The following DNAH7 variants were observed in gnomAD, a reference collection of about 807,000 sequenced individuals.
The protein encoded by DNAH7 is dynein axonemal heavy chain 7.
A neutral mutation model predicts 444.6 loss-of-function variants in DNAH7; 397 were observed. That is an observed-to-expected ratio of 0.89 (90% CI 0.82 to 0.97). The LOEUF (loss-of-function observed/expected upper bound fraction) is 0.97, where lower values mean the gene tolerates loss of function less well. Ranked by LOEUF, DNAH7 falls within the 50% of genes least tolerant of loss-of-function variation. The pLI is 0.00. For missense variants in DNAH7, 4,902 were observed against 4,800.8 expected, an observed-to-expected ratio of 1.02 and a Z score of -0.62; for synonymous variants, 1,636 against 1,624.4, an observed-to-expected ratio of 1.01 and a Z score of -0.17.
chr2:195,802,842 C>T (rs73062165), intron 54 of DNAH7, among the ~76,000 whole-genome samples: 9,570 of 152,186 alleles, frequency 0.063, 420 homozygotes, highest in African/African-American at 0.13. Flanking sequence ...AATCTCTGGT[C>T]ATCCACCCTG....
At chr2:195,846,229 C>G (rs530729792) in intron 46 of DNAH7, among the ~76,000 whole-genome samples, 20 of 152,296 alleles carry the variant, frequency 1.3e-4, no homozygotes, top group African/African-American at 3.6e-4. Flanking sequence ...CAACAGAAGA[C>G]ATACACGCAG....
intron 46 of DNAH7, among the ~76,000 whole-genome samples, chr2:195,848,831 G>A (rs564398543): frequency 3.9e-5 from 6 of 152,310 alleles, no homozygotes; most frequent in East Asian, 3.9e-4. Context: ...ATTGTAACCC[G>A]GGAGTGTTCC....
chr2:196,019,356 C>A (rs1193171516), intron 8 of DNAH7, 61 bp from the exon 9 acceptor site: 1 of 1,289,262 alleles, frequency 7.8e-7, no homozygotes. Flanking sequence ...AGTAACTGTA[C>A]ATTTTGGGTA....
intron 54 of DNAH7, among the ~76,000 whole-genome samples, chr2:195,804,783 A>G (rs1696629571): frequency 6.6e-6 from 1 of 152,180 alleles, no homozygotes; most frequent in East Asian, 1.9e-4. Context: ...TCCCACTTCA[A>G]GTGTGCACAG....
chr2:195,856,297 C>T (rs16841031), intron 44 of DNAH7, among the ~76,000 whole-genome samples: 13,921 of 152,096 alleles, frequency 0.092, 707 homozygotes, highest in African/African-American at 0.13. Flanking sequence ...TATTAGAAGC[C>T]TAATTGGTTA....
intron 8 of DNAH7, among the ~76,000 whole-genome samples, chr2:196,022,600 T>G (rs1695447160): frequency 6.6e-6 from 1 of 152,226 alleles, no homozygotes; most frequent in Non-Finnish European, 1.5e-5. Context: ...AGTCACATCT[T>G]CAGGCTCCAC....
Position 195,896,124 on chromosome 2 carries a change from A to G in DNAH7, c.4648-900T>C, listed in dbSNP as rs1178623202. On this transcript the variant is annotated intron_variant, in intron 29 of 64. Coordinates refer to ENST00000312428, the MANE Select transcript of DNAH7 (RefSeq NM_018897.3). ...GGATAGGTGTTGAACATTTTAAGAAACTGCTTAACTGTTTTCTAAAGTGGT... is the reference window on the plus strand; with the variant it reads ...GGATAGGTGTTGAACATTTTAAGAAGCTGCTTAACTGTTTTCTAAAGTGGT... Among the ~76,000 whole-genome samples, 6 of 152,206 alleles carry G rather than the reference A, an allele frequency of 3.9e-5. No homozygotes were observed. In the East Asian group the frequency reaches 1.2e-3, roughly 29 times the overall value.
chr2:195,857,616 T>TG lies in DNAH7; in HGVS notation c.8174dup (p.Thr2726AsnfsTer8). The stretch of plus-strand genomic sequence containing the variant: ...CCTCAATTTTTTTCCCTGAACCTGT[T>TG]GGGTCAGGGATTTTGTCAGCTTTGA... On this transcript the variant is annotated frameshift_variant, in exon 44 of 65. Coordinates refer to ENST00000312428, the MANE Select transcript of DNAH7 (RefSeq NM_018897.3). LOFTEE classifies it high-confidence loss of function. 6.2e-7 allele frequency: 1 copy of TG among 1,613,990 alleles called. No homozygotes were observed. Among genetic ancestry groups the TG allele is most frequent in the Non-Finnish European group, 8.5e-7 (1 of 1,179,936 alleles).
At chr2:195,890,525 T>C (rs1373789742) in intron 31 of DNAH7, among the ~76,000 whole-genome samples, 2 of 152,226 alleles carry the variant, frequency 1.3e-5, no homozygotes, top group Non-Finnish European at 2.9e-5. Flanking sequence ...TATTTCTGTG[T>C]AAATAATATA....
intron 61 of DNAH7, among the ~76,000 whole-genome samples, chr2:195,758,971 C>G (rs1206947532): frequency 6.6e-6 from 1 of 152,204 alleles, no homozygotes; most frequent in African/African-American, 2.4e-5. Flanking sequence ...GCCACAGGAA[C>G]GACAATTCCT....
intron 54 of DNAH7, among the ~76,000 whole-genome samples, chr2:195,804,826 T>C (rs1013951815): frequency 6.6e-6 from 1 of 151,286 alleles, no homozygotes; most frequent in Admixed American, 6.6e-5. Context: ...ATGAGTAGTA[T>C]TGTCCACATA....
rs779472135 is a variant in DNAH7, at chr2:195,988,164, T to C, written c.1419A>G (p.Lys473=). 1.2e-6 allele frequency: 2 copies of C among 1,613,586 alleles called. No homozygotes were observed. Among genetic ancestry groups the C allele is most frequent in the East Asian group, 4.5e-5 (2 of 44,848 alleles). The change falls in exon 13 of 65, where the codon AAA becomes AAG. Residue 473 remains lysine, a synonymous_variant. Coordinates refer to ENST00000312428, the MANE Select transcript of DNAH7 (RefSeq NM_018897.3). ...IILNEIVDAH[K]EKIKEVIMKE... ...TCATAATAACTTCCTTGATCTTTTC[T>C]TTGTGAGCATCTACAATTTCATTCA...
chr2:195,793,830 C>G (rs574021500), intron 57 of DNAH7, among the ~76,000 whole-genome samples: 2 of 152,136 alleles, frequency 1.3e-5, no homozygotes, highest in Non-Finnish European at 2.9e-5. Context: ...CAGACATTCA[C>G]GTACACAATT....
At chr2:196,010,903 TA>T (rs1694689251) in intron 10 of DNAH7, among the ~76,000 whole-genome samples, 1 of 152,066 alleles carries the variant, frequency 6.6e-6, no homozygotes. Context: ...GCCAGGCACA[TA>T]AAGATAAATA....
chr2:196,036,559 C>T (rs998245103), intron 5 of DNAH7, among the ~76,000 whole-genome samples: 9 of 152,168 alleles, frequency 5.9e-5, no homozygotes, highest in Non-Finnish European at 1.0e-4. Flanking sequence ...TACCTGGGGC[C>T]ACTGCCACCA....
At chr2:196,008,871 T>C (rs1694546958) in intron 10 of DNAH7, among the ~76,000 whole-genome samples, 1 of 152,182 alleles carries the variant, frequency 6.6e-6, no homozygotes, top group South Asian at 2.1e-4. Flanking sequence ...TGGGACTGGG[T>C]AATTTATAAA....
Position 195,796,541 on chromosome 2 carries a change from A to G in DNAH7, c.10515+35T>C, listed in dbSNP as rs1372907507. ...TGTATATTACTAATTAGATCCAGGG[A>G]ATGCAATCTAATAAGTATAAACTTG... On this transcript the variant is annotated intron_variant, in intron 56 of 64. Coordinates refer to ENST00000312428, the MANE Select transcript of DNAH7 (RefSeq NM_018897.3). 3.1e-6 allele frequency: 5 copies of G among 1,608,578 alleles called. No homozygotes were observed. The East Asian group carries it at 1.1e-4, about 36-fold the overall frequency.
intron 14 of DNAH7, among the ~76,000 whole-genome samples, chr2:195,986,477 G>C (rs924481870): frequency 6.6e-6 from 1 of 152,060 alleles, no homozygotes; most frequent in African/African-American, 2.4e-5. Flanking sequence ...GATGCTAGTC[G>C]AGAGATTCCC....
chr2:195,759,779 G>A (rs1359050700), intron 61 of DNAH7, among the ~76,000 whole-genome samples: 1 of 152,098 alleles, frequency 6.6e-6, no homozygotes, highest in Non-Finnish European at 1.5e-5. Context: ...TTGAACCTGG[G>A]AGGTTGAGGC....
Sources: allele counts gnomAD v4.1 joint callset (sites outside exome capture counted in the v4.1 genomes callset), GRCh38; gene constraint gnomAD v4.1.1; transcripts MANE v1.5; gene names NCBI Gene and HGNC (gene_info 2026-07-23, HGNC 2026-07-21).